Variants in LIPA observed in about 807,000 individuals in gnomAD.
The protein encoded by LIPA is lipase A, lysosomal acid type, also known as lysosomal acid lipase/cholesteryl ester hydrolase.
A neutral mutation model predicts 40.6 loss-of-function variants in LIPA; 26 were observed. That is an observed-to-expected ratio of 0.64 (90% confidence interval 0.47 to 0.89). The LOEUF is 0.89. Ranked by LOEUF, LIPA falls within the 40% of genes least tolerant of loss-of-function variation. LIPA has a pLI of 0.00. For missense variants in LIPA, 455 were observed against 479.6 expected, an observed-to-expected ratio of 0.95 and a Z score of 0.48; for synonymous variants, 188 against 168.4, an observed-to-expected ratio of 1.12 and a Z score of -0.90.
chr10:89,341,321 T>C (rs1314492614), intron 1 of LIPA, among the ~76,000 whole-genome samples: 6 of 152,320 alleles, frequency 3.9e-5, no homozygotes, highest in Middle Eastern at 6.8e-3. Flanking sequence ...CAGAGATCCA[T>C]CCAGGTCTAC....
chr10:89,338,827 G>A, intron 1 of LIPA: 3 of 1,614,078 alleles, frequency 1.9e-6, no homozygotes, highest in Middle Eastern at 1.6e-4. Context: ...CAACTTGTTG[G>A]CCTACATAAA....
chr10:89,403,986 A>G (rs74146946), intron 2 of LIPA: 18,592 of 305,438 alleles, frequency 0.061, 1,295 homozygotes, highest in African/African-American at 0.21. Flanking sequence ...GACTTACACT[A>G]AATGTTTAAT....
intron 2 of LIPA, among the ~76,000 whole-genome samples, chr10:89,352,852 G>A (rs570144235): frequency 6.7e-6 from 1 of 148,670 alleles, no homozygotes; most frequent in African/African-American, 2.5e-5. Context: ...GAAATTCCTT[G>A]TGGGCCTCAA....
intron 2 of LIPA, chr10:89,402,758 G>A: frequency 6.2e-7 from 1 of 1,614,216 alleles, no homozygotes; most frequent in Non-Finnish European, 8.5e-7. Context: ...AACGGGCCAA[G>A]GCCTGCTTTG....
chr10:89,231,555 C>G (rs1842842780), intron 3 of LIPA, among the ~76,000 whole-genome samples: 1 of 152,000 alleles, frequency 6.6e-6, no homozygotes, highest in Admixed American at 6.6e-5. Flanking sequence ...CTCACTGCAG[C>G]CTCAAACTCC....
chr10:89,245,595 T>C (rs1843012899), intron 3 of LIPA, 81 bp downstream of exon 3: 1 of 794,346 alleles, frequency 1.3e-6, no homozygotes. Context: ...CATTTCAATG[T>C]TTTTAAGTTA....
intron 9 of LIPA, among the ~76,000 whole-genome samples, chr10:89,215,545 A>G (rs1009834456): frequency 6.6e-6 from 1 of 152,234 alleles, no homozygotes; most frequent in African/African-American, 2.4e-5. Context: ...AAAGTGCCTC[A>G]CACTTCAGTG....
chr10:89,412,745 A>C, intron 2 of LIPA: 1 of 439,460 alleles, frequency 2.3e-6, no homozygotes, highest in Non-Finnish European at 4.5e-6. Context: ...ACTCACTGTG[A>C]AGGTCTGCAG....
intron 2 of LIPA, among the ~76,000 whole-genome samples, chr10:89,379,842 G>A (rs906129040): frequency 1.6e-4 from 25 of 152,106 alleles, no homozygotes; most frequent in Non-Finnish European, 2.9e-5. Flanking sequence ...AGACCATCCT[G>A]ACTAACAAGG....
chr10:89,244,567 A>G (rs955955741), intron 3 of LIPA, among the ~76,000 whole-genome samples: 15 of 152,126 alleles, frequency 9.9e-5, no homozygotes, highest in African/African-American at 3.6e-4. Flanking sequence ...GGGCAACAAG[A>G]CCGAAAATCC....
chr10:89,222,627 G>C, intron 7 of LIPA, 45 bp from the exon 8 acceptor site: 1 of 1,182,948 alleles, frequency 8.5e-7, no homozygotes, highest in South Asian at 1.2e-5. Context: ...ACAGCATTAA[G>C]GTGGCATTGA....
upstream of LIPA, among the ~76,000 whole-genome samples, chr10:89,344,612 GA>G (rs5786866): frequency 0.33 from 43,955 of 134,458 alleles, 7,264 homozygotes; most frequent in African/African-American, 0.47. Context: ...CATGCGGCAA[GA>G]AAAAAAAAAA....
chr10:89,285,732 TG>T (rs1008540023), intron 1 of LIPA, among the ~76,000 whole-genome samples: 6 of 151,764 alleles, frequency 4.0e-5, no homozygotes, highest in African/African-American at 1.2e-4. Flanking sequence ...TCCACTTTCC[TG>T]GGGGGCAAGC....
chr10:89,318,000 T>C (rs1843550219), intron 1 of LIPA, among the ~76,000 whole-genome samples: 1 of 152,146 alleles, frequency 6.6e-6, no homozygotes, highest in African/African-American at 2.4e-5. Context: ...TAAAATCCTT[T>C]ACAGACAAGC....
intron 1 of LIPA, among the ~76,000 whole-genome samples, chr10:89,287,885 C>G (rs575623947): frequency 6.6e-6 from 1 of 152,164 alleles, no homozygotes; most frequent in African/African-American, 2.4e-5. Flanking sequence ...GTGCCCAACT[C>G]GTACACTCTT....
chr10:89,223,726 G>C lies in LIPA; in HGVS notation c.780C>G (p.Leu260=). 6.2e-7 allele frequency: 1 copy of C among 1,613,428 alleles called. No homozygotes were observed. The highest frequency in any genetic ancestry group is 8.5e-7 in the Non-Finnish European group (1 of 1,179,490). The change falls in exon 7 of 10, where the codon CTC becomes CTG. Residue 260 remains leucine (L), a synonymous_variant. Coordinates refer to ENST00000336233, the MANE Select transcript of LIPA (RefSeq NM_000235.4). ...HVILKELCGN[L]CFLLCGFNER... ...CATTAAATCCACACAGAAGAAAACA[G>C]AGATTTCCACAGAGCTCCTTCAGTA...
intron 2 of LIPA, among the ~76,000 whole-genome samples, chr10:89,351,025 T>C (rs1843955647): frequency 6.6e-6 from 1 of 152,170 alleles, no homozygotes; most frequent in Non-Finnish European, 1.5e-5. Flanking sequence ...GAGGAAATAA[T>C]GTTTGCTGAG....
chr10:89,241,012 C>G (rs1842958884), intron 3 of LIPA, among the ~76,000 whole-genome samples: 1 of 152,136 alleles, frequency 6.6e-6, no homozygotes, highest in African/African-American at 2.4e-5. Context: ...TGTTTATTGT[C>G]TTAATTGCGA....
intron 2 of LIPA, among the ~76,000 whole-genome samples, chr10:89,355,800 A>G (rs1843985378): frequency 6.6e-6 from 1 of 152,242 alleles, no homozygotes; most frequent in South Asian, 2.1e-4. Context: ...ATTATAATTT[A>G]GCATTAGCAT....
Sources: allele counts gnomAD v4.1 joint callset (sites outside exome capture counted in the v4.1 genomes callset), GRCh38; gene constraint gnomAD v4.1.1; transcripts MANE v1.5; gene names NCBI Gene and HGNC (gene_info 2026-07-23, HGNC 2026-07-21).